Variants in PYHIN1 observed in about 807,000 individuals in gnomAD.
PYHIN1 encodes the protein pyrin and HIN domain family member 1.
A neutral mutation model predicts 43.7 loss-of-function variants in PYHIN1; 32 were observed. The observed-to-expected ratio is 0.73, with a 90% confidence interval of 0.55 to 0.98. The LOEUF (loss-of-function observed/expected upper bound fraction) is 0.98, where lower values mean the gene tolerates loss of function less well. Among genes scored for constraint, PYHIN1 ranks in the 50% least tolerant of loss-of-function variants. PYHIN1 has a pLI of 0.00. For missense variants in PYHIN1, 588 were observed against 589.5 expected (o/e 1.00, Z 0.03); for synonymous variants, 205 against 203.1 (o/e 1.01, Z -0.08).
intron 4 of PYHIN1, among the ~76,000 whole-genome samples, chr1:158,941,238 A>G (rs1483392460): frequency 6.6e-6 from 1 of 152,154 alleles, no homozygotes; most frequent in Non-Finnish European, 1.5e-5. Flanking sequence ...CCCTTCATTA[A>G]TGTGTTCTGC....
chr1:158,983,953 G>GTT, the PYHIN1 span, among the ~76,000 whole-genome samples: 4 of 150,230 alleles, frequency 2.7e-5, no homozygotes, highest in African/African-American at 7.4e-5. Flanking sequence ...GTCTTTGAGA[G>GTT]TTTTTGTATT....
chr1:158,987,631 C>T, the PYHIN1 span, among the ~76,000 whole-genome samples: 20,016 of 152,038 alleles, frequency 0.13, 1,468 homozygotes, highest in African/African-American at 0.17. Flanking sequence ...TGTGGATTTA[C>T]ACCTATGTAT....
intron 5 of PYHIN1, among the ~76,000 whole-genome samples, chr1:158,943,406 T>TG (rs1187675273): frequency 6.6e-6 from 1 of 152,184 alleles, no homozygotes; most frequent in Non-Finnish European, 1.5e-5. Context: ...CCTCATAACA[T>TG]AGTGAATGAT....
intron 7 of PYHIN1, among the ~76,000 whole-genome samples, chr1:158,957,924 C>A (rs1004321138): frequency 6.6e-6 from 1 of 151,828 alleles, no homozygotes; most frequent in Non-Finnish European, 1.5e-5. Context: ...AAACAAACAA[C>A]CCCATCAGAA....
At chr1:158,979,556 C>A (rs2101748610), downstream of PYHIN1, among the ~76,000 whole-genome samples, 1 of 152,260 alleles carries the variant, frequency 6.6e-6, no homozygotes, top group Admixed American at 6.5e-5. Flanking sequence ...ACCACATTTT[C>A]TTATCTATTC....
At chr1:158,938,315 A>G in intron 2 of PYHIN1, 82 bp from the exon 3 acceptor site, 1 of 1,455,006 alleles carries the variant, frequency 6.9e-7, no homozygotes, top group Non-Finnish European at 9.5e-7. Flanking sequence ...AGCAGGAGCT[A>G]AGAGCAAATA....
intron 7 of PYHIN1, among the ~76,000 whole-genome samples, chr1:158,967,233 G>C (rs1279830386): frequency 1.3e-5 from 2 of 152,046 alleles, no homozygotes; most frequent in Admixed American, 6.6e-5. Flanking sequence ...AATGTAGTCT[G>C]TTTTGTATAT....
chr1:158,952,801 G>C lies in PYHIN1; in HGVS notation c.1359+7759G>C, dbSNP rs1054662562. On this transcript the variant is annotated intron_variant, in intron 7 of 8. Transcript: ENST00000368140. ...CCCGTATACAGCTCCCAGCGTAAGC[G>C]ACGCAGAAGATGGGTGATTTCTGCA... 5.9e-5 allele frequency among the ~76,000 whole-genome samples: 9 copies of C among 152,220 alleles called. No individual in the cohort carries two copies. In the East Asian group the frequency reaches 1.2e-3, roughly 20 times the overall value.
At chr1:158,968,989 C>A (rs1201472359) in intron 7 of PYHIN1, among the ~76,000 whole-genome samples, 4 of 151,954 alleles carry the variant, frequency 2.6e-5, no homozygotes, top group Non-Finnish European at 5.9e-5. Context: ...GTCCACCAAA[C>A]CCCTGTGACA....
rs377229912 is a variant in PYHIN1 at position 158,939,262 on chromosome 1, G to T, written c.579+15G>T. ...CCTCAACTGAGGTACACTCTTCCTG[G>T]TCCCCTTTTGATTCATTTTCTTCAA... On this transcript the variant is annotated intron_variant, in intron 4 of 8. Transcript: ENST00000368140. The T allele has an allele frequency of 9.2e-5, 146 of 1,586,494 alleles. No individual in the cohort carries two copies. Among genetic ancestry groups the T allele is most frequent in the Non-Finnish European group, 8.8e-5 (102 of 1,165,334 alleles).
chr1:158,983,827 A>T, the PYHIN1 span, among the ~76,000 whole-genome samples: 14 of 151,942 alleles, frequency 9.2e-5, no homozygotes, highest in Non-Finnish European at 2.1e-4. Context: ...CTTGTTATTG[A>T]TCTGTTTAGG....
intron 7 of PYHIN1, among the ~76,000 whole-genome samples, chr1:158,945,935 T>C (rs1316988728): frequency 6.6e-6 from 1 of 151,198 alleles, no homozygotes; most frequent in Non-Finnish European, 1.5e-5. Flanking sequence ...CACTCAAACA[T>C]AAAAAAAAAG....
intron 7 of PYHIN1, among the ~76,000 whole-genome samples, chr1:158,947,035 C>A (rs1190950225): frequency 6.6e-6 from 1 of 152,144 alleles, no homozygotes; most frequent in African/African-American, 2.4e-5. Context: ...AAAACCACAT[C>A]ATGCAGTTTC....
At chr1:158,967,927 A>G (rs141292724) in intron 7 of PYHIN1, among the ~76,000 whole-genome samples, 45 of 152,126 alleles carry the variant, frequency 3.0e-4, no homozygotes, top group Middle Eastern at 3.4e-3. Flanking sequence ...TCCTTACACC[A>G]TATACAAAAG....
the PYHIN1 span, among the ~76,000 whole-genome samples, chr1:158,989,590 A>G: frequency 6.6e-6 from 1 of 152,200 alleles, no homozygotes; most frequent in Non-Finnish European, 1.5e-5. Flanking sequence ...GAAAGTAAAG[A>G]TCAGAATAAT....
intron 2 of PYHIN1, among the ~76,000 whole-genome samples, chr1:158,938,145 T>C (rs1264538498): frequency 1.3e-5 from 2 of 151,920 alleles, no homozygotes; most frequent in Admixed American, 1.3e-4. Context: ...GCACATGGAG[T>C]TCAGAGGACA....
chr1:158,939,272 G>C, intron 4 of PYHIN1, 25 bp downstream of exon 4: 1 of 1,583,816 alleles, frequency 6.3e-7, no homozygotes, highest in Non-Finnish European at 8.6e-7. Context: ...GTCCCCTTTT[G>C]ATTCATTTTC....
chr1:158,966,066 T>C (rs1302794548), intron 7 of PYHIN1, among the ~76,000 whole-genome samples: 1 of 152,018 alleles, frequency 6.6e-6, no homozygotes, highest in Non-Finnish European at 1.5e-5. Context: ...CCCACAGAAA[T>C]ACAACAATCC....
Position 158,931,590 on chromosome 1 carries a change from G to C in PYHIN1, c.-207G>C, listed in dbSNP as rs555775440. The C allele has an allele frequency of 1.1e-4, 17 of 152,320 alleles. No homozygotes were observed. Among genetic ancestry groups the C allele is most frequent in the African/African-American group, 4.1e-4 (17 of 41,574 alleles). The allele number at this position is 152,320 out of a possible 1,614,324, so 9.4% of individuals were successfully genotyped here. ...GCCAGCACTAGTCAAGTGACTCTAA[G>C]AAGGGCCATTTTCCCTTGTTGTCTT... On this transcript the variant is annotated 5_prime_UTR_variant, in exon 1 of 9. Transcript: ENST00000368140.
Sources: gnomAD v4.1 joint callset for allele counts (sites outside exome capture counted in the v4.1 genomes callset) on GRCh38, gnomAD v4.1.1 for gene constraint, MANE v1.5 for transcripts, NCBI Gene and HGNC (gene_info 2026-07-23, HGNC 2026-07-21) for gene names.